Variants in NSG2 observed in about 807,000 individuals in gnomAD.
The protein encoded by NSG2 is neuronal vesicle trafficking associated 2.
A neutral mutation model predicts 16.9 loss-of-function variants in NSG2; 4 were observed. The ratio of observed to expected loss-of-function variants is 0.24; its 90% CI spans 0.12 to 0.54. NSG2 has a LOEUF of 0.54. Ranked by LOEUF, NSG2 falls within the 20% of genes least tolerant of loss-of-function variation. NSG2 has a pLI of 0.95. For missense variants in NSG2, 179 were observed against 221.1 expected, an observed-to-expected ratio of 0.81 and a Z score of 1.21; for synonymous variants, 98 against 88.7, an observed-to-expected ratio of 1.11 and a Z score of -0.59.
intron 4 of NSG2, among the ~76,000 whole-genome samples, chr5:174,106,041 A>G (rs750917455): frequency 1.8e-4 from 28 of 152,186 alleles, no homozygotes; most frequent in Non-Finnish European, 3.5e-4. Flanking sequence ...ACACGGAAAG[A>G]GAATGCTCAT....
chr5:174,075,520 G>A (rs923225902), intron 3 of NSG2, among the ~76,000 whole-genome samples: 3 of 152,106 alleles, frequency 2.0e-5, no homozygotes, highest in African/African-American at 4.8e-5. Context: ...TGGCTCTCTC[G>A]TCCTCTTTTT....
At chr5:174,074,930 C>T (rs185950697) in intron 3 of NSG2, among the ~76,000 whole-genome samples, 2 of 152,120 alleles carry the variant, frequency 1.3e-5, no homozygotes, top group Admixed American at 1.3e-4. Context: ...TCTTCCTGCA[C>T]CTCACTGCTG....
intron 3 of NSG2, among the ~76,000 whole-genome samples, chr5:174,082,021 T>C (rs1760483598): frequency 6.6e-6 from 1 of 152,138 alleles, no homozygotes; most frequent in Non-Finnish European, 1.5e-5. Flanking sequence ...CACAAAATCA[T>C]CTTAGCATTT....
At chr5:174,047,971 A>T (rs1263253332) in intron 2 of NSG2, among the ~76,000 whole-genome samples, 1 of 152,214 alleles carries the variant, frequency 6.6e-6, no homozygotes, top group African/African-American at 2.4e-5. Flanking sequence ...ATTGGCTTCA[A>T]CCAATCAACA....
chr5:174,060,048 C>T (rs1413577464), intron 2 of NSG2, among the ~76,000 whole-genome samples: 1 of 152,144 alleles, frequency 6.6e-6, no homozygotes, highest in East Asian at 1.9e-4. Flanking sequence ...CACATGGCTG[C>T]CACACAGTGA....
chr5:174,081,161 A>G (rs1310353401), intron 3 of NSG2, among the ~76,000 whole-genome samples: 2 of 152,042 alleles, frequency 1.3e-5, no homozygotes, highest in African/African-American at 4.8e-5. Flanking sequence ...CTTTATGTTT[A>G]TAAGGAATAT....
intron 2 of NSG2, among the ~76,000 whole-genome samples, chr5:174,061,909 CTT>C (rs11426817): frequency 0.025 from 2,959 of 116,586 alleles, 45 homozygotes; most frequent in Non-Finnish European, 0.032. Flanking sequence ...AGCCCCCAAA[CTT>C]TTTTTTTTTT....
chr5:174,050,700 G>T (rs1285728015), intron 2 of NSG2, among the ~76,000 whole-genome samples: 1 of 152,046 alleles, frequency 6.6e-6, no homozygotes, highest in East Asian at 1.9e-4. Flanking sequence ...CCCTCCCCCT[G>T]GCAGGCTCCT....
intron 2 of NSG2, among the ~76,000 whole-genome samples, chr5:174,049,275 G>A (rs925256923): frequency 3.4e-4 from 52 of 152,234 alleles, no homozygotes; most frequent in Admixed American, 2.6e-4. Context: ...GGGAGGCAGA[G>A]CTTGCAGTGA....
chr5:174,090,983 C>T (rs533448633), intron 3 of NSG2, among the ~76,000 whole-genome samples: 2 of 151,890 alleles, frequency 1.3e-5, no homozygotes, highest in African/African-American at 4.8e-5. Context: ...TTTAATTTTC[C>T]AAACCAACTT....
chr5:174,087,648 T>C (rs1371559126), intron 3 of NSG2, among the ~76,000 whole-genome samples: 1 of 151,648 alleles, frequency 6.6e-6, no homozygotes, highest in African/African-American at 2.4e-5. Flanking sequence ...TAGCTGGGCA[T>C]AGTGGTGCAC....
At chr5:174,080,517 TTCTTTCTTTCTC>T (rs1184888724) in intron 3 of NSG2, among the ~76,000 whole-genome samples, 2 of 61,312 alleles carry the variant, frequency 3.3e-5, no homozygotes, top group Non-Finnish European at 9.3e-5. Context: ...CTTTCCCTCT[TTCTTTCTTTCTC>T]TCTCTCTCTC....
chr5:174,063,461 A>G (rs1364503722), intron 2 of NSG2, among the ~76,000 whole-genome samples: 2 of 152,160 alleles, frequency 1.3e-5, no homozygotes, highest in Admixed American at 1.3e-4. Context: ...AAGTCCCCAA[A>G]TCAAATTGGA....
intron 3 of NSG2, among the ~76,000 whole-genome samples, chr5:174,070,506 C>T (rs1760220346): frequency 6.6e-6 from 1 of 152,158 alleles, no homozygotes; most frequent in South Asian, 2.1e-4. Context: ...TTCTTTCCTT[C>T]CTTCTTGGTC....
chr5:174,095,525 C>T lies in NSG2; in HGVS notation c.214-8703C>T, dbSNP rs1760783078. Among the ~76,000 whole-genome samples, 7 of 152,278 alleles carry T rather than the reference C, an allele frequency of 4.6e-5. 1 individual carries two copies. The South Asian group carries it at 1.5e-3, about 32-fold the overall frequency. On this transcript the variant is annotated intron_variant, in intron 3 of 4. Coordinates refer to ENST00000303177, the MANE Select transcript of NSG2 (RefSeq NM_015980.5). ...CTCTTCTTTCTGTGGGTCTGTCTCC[C>T]TCCGTGTGTCTCTAATAGGGGCACT... is the stretch of plus-strand genomic sequence containing the variant.
At chr5:174,101,125 T>C (rs375819658) in intron 3 of NSG2, among the ~76,000 whole-genome samples, 1 of 152,148 alleles carries the variant, frequency 6.6e-6, no homozygotes, top group African/African-American at 2.4e-5. Context: ...TATAGGCAAC[T>C]CTCTTGGCTG....
At chr5:174,084,373 G>C (rs891016829) in intron 3 of NSG2, among the ~76,000 whole-genome samples, 1 of 152,172 alleles carries the variant, frequency 6.6e-6, no homozygotes, top group Non-Finnish European at 1.5e-5. Flanking sequence ...GGTTTATCAA[G>C]CACCTACTGC....
Position 174,108,348 on chromosome 5 carries a change from G to T in NSG2, c.*843G>T. ...AGGGGGAGAGGGAGGGAAGGAAGGT[G>T]CGGCTGCAAGAAGGAAGGCACGGGA... On this transcript the variant is annotated 3_prime_UTR_variant, in exon 5 of 5. Transcript: ENST00000303177. The T allele has an allele frequency of 6.4e-6, 1 of 155,684 alleles. No individual in the cohort carries two copies. Among genetic ancestry groups the T allele is most frequent in the Non-Finnish European group, 1.4e-5 (1 of 70,060 alleles). 9.6% of individuals were successfully genotyped at this position (155,684 alleles called of 1,614,324 possible).
At position 174,083,141 on chromosome 5, in the gene NSG2, C is replaced by T. The variant is rs528998697; in HGVS notation, c.213+18826C>T. 3.8e-4 allele frequency among the ~76,000 whole-genome samples: 58 copies of T among 152,328 alleles called. No homozygotes were observed. In the Middle Eastern group the frequency reaches 0.017, roughly 45 times the overall value. On this transcript the variant is annotated intron_variant, in intron 3 of 4. Transcript: ENST00000303177. ...CAGGCTGGCCCAGGAGCCCCACTCC[C>T]CAGTGCCATCTCCATCACATCGCTT...
Sources: gnomAD v4.1 joint callset for allele counts (sites outside exome capture counted in the v4.1 genomes callset) on GRCh38, gnomAD v4.1.1 for gene constraint, MANE v1.5 for transcripts, NCBI Gene and HGNC (gene_info 2026-07-23, HGNC 2026-07-21) for gene names.